The following ZNF474 variants were observed in gnomAD, a reference collection of about 807,000 sequenced individuals.
The protein encoded by ZNF474 is zinc finger protein 474, also known as 4933409D10Rik.
For synonymous variants in ZNF474, 192 were observed against 162.2 expected (o/e 1.18, Z -1.39); for missense variants, 511 against 433.8 (o/e 1.18, Z -1.58).
chr5:122,132,164 T>G (rs1755592827), intron 1 of ZNF474, among the ~76,000 whole-genome samples: 1 of 152,148 alleles, frequency 6.6e-6, no homozygotes, highest in Admixed American at 6.5e-5. Context: ...ATTAGTAGTT[T>G]GTTCATTTGT....
At chr5:122,149,715 T>C (rs1310710268) in intron 1 of ZNF474, among the ~76,000 whole-genome samples, 1 of 152,180 alleles carries the variant, frequency 6.6e-6, no homozygotes, top group African/African-American at 2.4e-5. Flanking sequence ...TCATAATCAT[T>C]TGAGAATTAA....
In ZNF474 at chr5:122,152,963, G is replaced by T. The variant is rs1456817433; in HGVS notation, c.973G>T (p.Gly325Cys). The T allele has an allele frequency of 6.2e-7, 1 of 1,613,916 alleles. No homozygotes were observed. Among genetic ancestry groups the T allele is most frequent in the African/African-American group, 1.3e-5 (1 of 74,934 alleles). Residue 325 changes from glycine (G) to cysteine (C), a missense_variant, in exon 2 of 2, where the codon GGC (glycine) becomes TGC (cysteine). Transcript: ENST00000296600. ...GAATTTGAATTTAGGGAGTAAAGGA[G>T]GCCTAAAAGAGTACACTAATTCCAA... ...YQNLNLGSKGGLKEYTNSKQQ... is the reference protein window; with the variant it reads ...YQNLNLGSKGCLKEYTNSKQQ...
In ZNF474 at chr5:122,153,055, A is replaced by G; in HGVS notation, c.1065A>G (p.Leu355=). 1 of 1,613,104 alleles carries G rather than the reference A, an allele frequency of 6.2e-7. No homozygotes were observed. The highest frequency in any genetic ancestry group is 8.5e-7 in the Non-Finnish European group (1 of 1,179,196). The part of the protein sequence containing the change: ...DKVIHATQDA[L]GEPGGALCL ...TAATTCATGCCACACAAGACGCATT[A>G]GGTGAACCTGGTGGTGCCCTCTGCC... Residue 355 remains leucine, a synonymous_variant, in exon 2 of 2, where the codon TTA becomes TTG. Transcript: ENST00000296600.
intron 1 of ZNF474, among the ~76,000 whole-genome samples, chr5:122,137,187 G>C (rs1463483836): frequency 6.6e-6 from 1 of 152,012 alleles, no homozygotes; most frequent in Non-Finnish European, 1.5e-5. Flanking sequence ...GTAAGTGTGT[G>C]TGTTTGGGAC....
chr5:122,141,144 TA>T (rs758013244), intron 1 of ZNF474, among the ~76,000 whole-genome samples: 66,477 of 140,004 alleles, frequency 0.47, 20,064 homozygotes, highest in Non-Finnish European at 0.61. Flanking sequence ...TATTTTATTT[TA>T]TTTTATTTTA....
chr5:122,137,891 C>T (rs942223541), intron 1 of ZNF474, among the ~76,000 whole-genome samples: 3 of 152,194 alleles, frequency 2.0e-5, no homozygotes, highest in South Asian at 2.1e-4. Context: ...GGGTTGAGAG[C>T]GGAAGTGCCT....
chr5:122,135,395 C>T (rs1755676413), intron 1 of ZNF474, among the ~76,000 whole-genome samples: 1 of 152,082 alleles, frequency 6.6e-6, no homozygotes, highest in South Asian at 2.1e-4. Flanking sequence ...CTAAAAATGT[C>T]CAACATCACT....
chr5:122,133,813 G>T lies in ZNF474; in HGVS notation c.-213+4130G>T, dbSNP rs563854001. On this transcript the variant is annotated intron_variant, in intron 1 of 1. Coordinates refer to ENST00000296600, the MANE Select transcript of ZNF474 (RefSeq NM_207317.3). ...TGAGCTCAAGCAATCCTCCCACCCT[G>T]GTTCCCAAAATGCTGAGATTACAGG... 5.9e-5 allele frequency among the ~76,000 whole-genome samples: 9 copies of T among 152,262 alleles called. No individual in the cohort carries two copies. In the South Asian group the frequency reaches 1.4e-3, roughly 25 times the overall value.
Sources: allele counts gnomAD v4.1 joint callset (sites outside exome capture counted in the v4.1 genomes callset), GRCh38; gene constraint gnomAD v4.1.1; transcripts MANE v1.5; gene names NCBI Gene and HGNC (gene_info 2026-07-23, HGNC 2026-07-21).